Variants in EPB41L3 observed in about 807,000 individuals in gnomAD.
EPB41L3 encodes band 4.1-like protein 3.
Under a neutral mutation model 127.1 loss-of-function variants are expected in EPB41L3, and 57 were observed. The ratio of observed to expected loss-of-function variants is 0.45; its 90% CI spans 0.36 to 0.56. EPB41L3 has a LOEUF of 0.56. Ranked by LOEUF, EPB41L3 falls within the 20% of genes least tolerant of loss-of-function variation. The pLI is 0.00. For missense variants in EPB41L3, 1,273 were observed against 1,372.2 expected (o/e 0.93, Z 1.14); for synonymous variants, 572 against 549.5 (o/e 1.04, Z -0.57).
At chr18:5,551,756 T>C (rs1313289026) in intron 3 of EPB41L3, among the ~76,000 whole-genome samples, 1 of 152,196 alleles carries the variant, frequency 6.6e-6, no homozygotes, top group African/African-American at 2.4e-5. Context: ...AAGTGAATTA[T>C]CACAGCTGGG....
chr18:5,589,538 A>C (rs1374373948), intron 3 of EPB41L3, among the ~76,000 whole-genome samples: 2 of 152,162 alleles, frequency 1.3e-5, no homozygotes, highest in Non-Finnish European at 2.9e-5. Flanking sequence ...TGTTTAGATG[A>C]GTCTTTATCT....
At chr18:5,629,441 A>ACACG (rs2094963553), upstream of EPB41L3, among the ~76,000 whole-genome samples, 1 of 151,452 alleles carries the variant, frequency 6.6e-6, no homozygotes, top group South Asian at 2.1e-4. Flanking sequence ...ACACACACAC[A>ACACG]CACACACACT....
chr18:5,572,282 C>A, intron 3 of EPB41L3, among the ~76,000 whole-genome samples: 1 of 152,134 alleles, frequency 6.6e-6, no homozygotes, highest in Non-Finnish European at 1.5e-5. Flanking sequence ...AATCTAAGAG[C>A]CAAATTCCCA....
At chr18:5,418,600 A>G (rs985450497) in intron 12 of EPB41L3, among the ~76,000 whole-genome samples, 3 of 152,252 alleles carry the variant, frequency 2.0e-5, no homozygotes, top group African/African-American at 7.2e-5. Context: ...ACATTTTAAC[A>G]GCAAAAGTTA....
At chr18:5,599,209 A>G (rs903548558) in intron 3 of EPB41L3, among the ~76,000 whole-genome samples, 1 of 152,222 alleles carries the variant, frequency 6.6e-6, no homozygotes, top group African/African-American at 2.4e-5. Context: ...GGAGAATTAA[A>G]TACATCATGT....
At chr18:5,396,977 C>T (rs11661371) in intron 18 of EPB41L3, 81 bp downstream of exon 18, 131,071 of 1,420,766 alleles carry the variant, frequency 0.092, 6,853 homozygotes, top group Non-Finnish European at 0.11. Flanking sequence ...AACTTAGCTC[C>T]ACCTTTATGC....
In EPB41L3 at chr18:5,435,651, C is replaced by T. The variant is rs550361648; in HGVS notation, c.606-1530G>A. ...GATGTTCACACAACAACAAAATCAT[C>T]TAAAGATGCATTTCTCAGAATGTAT... On this transcript the variant is annotated intron_variant, in intron 6 of 22. Coordinates refer to ENST00000341928, the MANE Select transcript of EPB41L3 (RefSeq NM_012307.5). 5.9e-5 allele frequency among the ~76,000 whole-genome samples: 9 copies of T among 152,278 alleles called. No homozygotes were observed. In the South Asian group the frequency reaches 1.9e-3, roughly 32 times the overall value.
chr18:5,571,054 G>C (rs1039563611), intron 3 of EPB41L3: 1 of 152,034 alleles, frequency 6.6e-6, no homozygotes, highest in Non-Finnish European at 1.5e-5. Flanking sequence ...GCATTGCTTT[G>C]AAATTTTGAA....
At chr18:5,549,928 A>C (rs892183929) in intron 3 of EPB41L3, among the ~76,000 whole-genome samples, 1 of 152,212 alleles carries the variant, frequency 6.6e-6, no homozygotes, top group Non-Finnish European at 1.5e-5. Flanking sequence ...CACAGTTTGC[A>C]GGAGTTATTG....
At chr18:5,612,782 C>A (rs1251651384) in intron 2 of EPB41L3, among the ~76,000 whole-genome samples, 3 of 152,192 alleles carry the variant, frequency 2.0e-5, no homozygotes, top group Non-Finnish European at 4.4e-5. Context: ...ATTCTGTTGC[C>A]CAGACTAGAG....
At chr18:5,569,778 T>C (rs984841840) in intron 3 of EPB41L3, among the ~76,000 whole-genome samples, 1 of 152,210 alleles carries the variant, frequency 6.6e-6, no homozygotes, top group Non-Finnish European at 1.5e-5. Flanking sequence ...AAAGTGTAGG[T>C]ATAATTAGTT....
At chr18:5,410,426 A>G (rs2076052164) in intron 14 of EPB41L3, 140 bp downstream of exon 14, 1 of 608,168 alleles carries the variant, frequency 1.6e-6, no homozygotes, top group African/African-American at 1.8e-5. Context: ...TAGACAACAA[A>G]ATACATATTT....
At position 5,543,153 on chromosome 18, in the gene EPB41L3, G is replaced by A. The variant is rs1229256232; in HGVS notation, c.-12+760C>T. On this transcript the variant is annotated intron_variant, in intron 1 of 22. Transcript: ENST00000341928. The surrounding 1 kb of genome is among the most constrained non-coding windows in gnomAD (Gnocchi z 5.2). The stretch of plus-strand genomic sequence containing the variant: ...TCCCGCGCCCGGGTGCCAGAGGCGA[G>A]GGGCCCCGGCAGGTGCCCAGGCCCA... Among the ~76,000 whole-genome samples the A allele has an allele frequency of 1.3e-5, 2 of 151,240 alleles. No individual in the cohort carries two copies. Among genetic ancestry groups the A allele is most frequent in the Admixed American group, 6.6e-5 (1 of 15,184 alleles).
chr18:5,530,445 C>T (rs948309), intron 1 of EPB41L3, among the ~76,000 whole-genome samples: 42,263 of 151,920 alleles, frequency 0.28, 6,642 homozygotes, highest in African/African-American at 0.43. Flanking sequence ...CATCTGACCA[C>T]GTCTTCCAAC....
At chr18:5,618,518 G>A (rs1038198726) in intron 1 of EPB41L3, among the ~76,000 whole-genome samples, 6 of 152,152 alleles carry the variant, frequency 3.9e-5, no homozygotes, top group African/African-American at 1.4e-4. Context: ...TTCTCCCCAC[G>A]GGATTTCAGT....
Position 5,462,684 on chromosome 18 carries a change from G to A in EPB41L3, c.381+15557C>T, listed in dbSNP as rs549085484. Among the ~76,000 whole-genome samples, 4 of 152,286 alleles carry A rather than the reference G, an allele frequency of 2.6e-5. No individual in the cohort carries two copies. The South Asian group carries it at 8.3e-4, about 32-fold the overall frequency. On this transcript the variant is annotated intron_variant, in intron 3 of 22. Coordinates refer to ENST00000341928, the MANE Select transcript of EPB41L3 (RefSeq NM_012307.5). The stretch of plus-strand genomic sequence containing the variant: ...TCCCCACTCCCTACTTCAAAGGTTA[G>A]TATCCCCCAGAGCTCTGTTATTAAG...
intron 2 of EPB41L3, among the ~76,000 whole-genome samples, chr18:5,484,864 A>G (rs1034026590): frequency 1.3e-4 from 20 of 151,988 alleles, no homozygotes; most frequent in African/African-American, 4.8e-4. Flanking sequence ...TATCAAAAAA[A>G]GCCCAAGACC....
chr18:5,593,719 A>C (rs1222848229), intron 3 of EPB41L3, among the ~76,000 whole-genome samples: 2 of 152,246 alleles, frequency 1.3e-5, no homozygotes, highest in Middle Eastern at 3.4e-3. Flanking sequence ...TTCATCCCTA[A>C]GGTCTCAACC....
At chr18:5,609,869 A>C (rs544281684) in intron 3 of EPB41L3, among the ~76,000 whole-genome samples, 41 of 147,998 alleles carry the variant, frequency 2.8e-4, no homozygotes, top group Middle Eastern at 3.4e-3. Context: ...GTATAAACCC[A>C]AAAAAAAAAC....
Sources: gnomAD v4.1 joint callset for allele counts (sites outside exome capture counted in the v4.1 genomes callset) on GRCh38, gnomAD v4.1.1 for gene constraint, Gnocchi (gnomAD v3.1) non-coding constraint, MANE v1.5 for transcripts, NCBI Gene and HGNC (gene_info 2026-07-23, HGNC 2026-07-21) for gene names.